The following TMEM134 variants were observed in gnomAD, a reference collection of about 807,000 sequenced individuals.
TMEM134 encodes transmembrane protein 134.
TMEM134 carries 36 observed loss-of-function variants against 26.2 expected under a neutral mutation model. That is an observed-to-expected ratio of 1.37 (90% CI 1.05 to 1.81). TMEM134 has a LOEUF of 1.81. TMEM134 is among the 40% of genes most tolerant of loss of function. TMEM134 has a pLI of 0.00. For synonymous variants in TMEM134, 133 were observed against 113.6 expected (o/e 1.17, Z -1.08); for missense variants, 339 against 263.5 (o/e 1.29, Z -1.98).
intron 4 of TMEM134, chr11:67,465,311 G>T: frequency 7.3e-7 from 1 of 1,367,598 alleles, no homozygotes; most frequent in Non-Finnish European, 9.5e-7. Flanking sequence ...GTTCCTTGGG[G>T]TGGGCTTTTA....
At chr11:67,468,230 G>A (rs1386060816) in intron 1 of TMEM134, 138 bp from the exon 2 acceptor site, 10 of 759,030 alleles carry the variant, frequency 1.3e-5, no homozygotes, top group East Asian at 2.7e-5. Context: ...TGCCCTCCCC[G>A]CAGAACGGGT....
rs1329117097 is a variant in TMEM134, at chr11:67,463,102, G to A, written c.*1512C>T. The A allele has an allele frequency of 6.6e-6, 1 of 152,212 alleles. No homozygotes were observed. Among genetic ancestry groups the A allele is most frequent in the Non-Finnish European group, 1.5e-5 (1 of 68,052 alleles). 9.4% of individuals were successfully genotyped at this position (152,212 alleles called of 1,614,324 possible). A position where few individuals can be genotyped will look rare whatever the true frequency, so the allele number is the denominator to read the frequency against. ...TTAGGAGTTCCTGCATCCAATGGGTGCCCCCTAAGTGCCTTGAATGGGGGA... is the reference window on the plus strand; with the variant it reads ...TTAGGAGTTCCTGCATCCAATGGGTACCCCCTAAGTGCCTTGAATGGGGGA... On this transcript the variant is annotated 3_prime_UTR_variant, in exon 7 of 7. Transcript: ENST00000308022.
chr11:67,467,889 G>A (rs373740011), intron 2 of TMEM134, 139 bp downstream of exon 2: 2 of 822,498 alleles, frequency 2.4e-6, no homozygotes, highest in East Asian at 2.7e-5. Context: ...GAGACCCTGT[G>A]AGGAAAGTGA....
chr11:67,469,217 G>A lies in TMEM134; in HGVS notation c.-25C>T, dbSNP rs1009939591. The A allele has an allele frequency of 2.4e-5, 30 of 1,258,428 alleles. No homozygotes were observed. The highest frequency in any genetic ancestry group is 1.6e-5 in the African/African-American group (1 of 64,350). The allele number at this position is 1,258,428 out of a possible 1,614,324, so 78.0% of individuals were successfully genotyped here. ...TGGCCCCGGCCCGCTCAGGCGCCGT[G>A]CGCCGCCGCCATCTGCGCCCACACA... On this transcript the variant is annotated 5_prime_UTR_variant, in exon 1 of 7. Transcript: ENST00000308022.
At chr11:67,464,980 G>T in intron 5 of TMEM134, 76 bp downstream of exon 5, 1 of 1,495,448 alleles carries the variant, frequency 6.7e-7, no homozygotes, top group Non-Finnish European at 9.2e-7. Flanking sequence ...CTGCCGGGAG[G>T]TGGGAGGGCT....
rs573668879 is a variant in TMEM134 at position 67,466,876 on chromosome 11, G to A, written c.406+436C>T. 5 of 192,904 alleles carry A rather than the reference G, an allele frequency of 2.6e-5. No individual in the cohort carries two copies. The South Asian group carries it at 3.2e-4, about 13-fold the overall frequency. The allele number at this position is 192,904 out of a possible 1,614,324, so 11.9% of individuals were successfully genotyped here. A position where few individuals can be genotyped will look rare whatever the true frequency, so the allele number is the denominator to read the frequency against. On this transcript the variant is annotated intron_variant, in intron 4 of 6. Coordinates refer to ENST00000308022, the MANE Select transcript of TMEM134 (RefSeq NM_025124.4). ...CAAGGGGAAGTGCCAGGTGCCCTGC[G>A]GCTCTGCACTGGCTGGGCACTCGGC...
Position 67,462,575 on chromosome 11 carries a change from G to C in TMEM134, c.*2039C>G, listed in dbSNP as rs567117189. On this transcript the variant is annotated 3_prime_UTR_variant, in exon 7 of 7. Transcript: ENST00000308022. ...TCACCCTGTTGGCCAGGCTGGTCTCGAACTCCTGACCTCATGATTCACCTG... is the reference window on the plus strand; with the variant it reads ...TCACCCTGTTGGCCAGGCTGGTCTCCAACTCCTGACCTCATGATTCACCTG... The C allele has an allele frequency of 1.1e-4, 16 of 152,050 alleles. No homozygotes were observed. The highest frequency in any genetic ancestry group is 3.9e-4 in the African/African-American group (16 of 41,490). 9.4% of individuals were successfully genotyped at this position (152,050 alleles called of 1,614,324 possible).
rs1356301966 is a variant in TMEM134, at chr11:67,467,246, C to T, written c.406+66G>A. The T allele has an allele frequency of 8.7e-6, 13 of 1,489,166 alleles. No individual in the cohort carries two copies. In the East Asian group the frequency reaches 2.5e-4, roughly 28 times the overall value. The allele number at this position is 1,489,166 out of a possible 1,614,324, so 92.2% of individuals were successfully genotyped here. Reference sequence around the variant, plus strand: ...CTCAGTGTCAAGGGGGAGGCAGAGCCTGTACAAAAGGAGGGCAGAGCCTCC... The same window carrying T: ...CTCAGTGTCAAGGGGGAGGCAGAGCTTGTACAAAAGGAGGGCAGAGCCTCC... On this transcript the variant is annotated intron_variant, in intron 4 of 6. Transcript: ENST00000308022.
intron 2 of TMEM134, 25 bp from the exon 3 acceptor site, chr11:67,467,615 G>A (rs1001590368): frequency 6.2e-7 from 1 of 1,611,438 alleles, no homozygotes; most frequent in African/African-American, 1.3e-5. Context: ...GCCCAGTGAG[G>A]GGCAGGGAGG....
intron 4 of TMEM134, 162 bp downstream of exon 4, chr11:67,467,150 C>T (rs1263568310): frequency 1.7e-5 from 11 of 639,774 alleles, no homozygotes; most frequent in Non-Finnish European, 2.7e-5. Flanking sequence ...GGTCACAAGG[C>T]CTCTGTCTCC....
At chr11:67,468,153 C>T (rs1865400595) in intron 1 of TMEM134, 61 bp from the exon 2 acceptor site, 1 of 1,484,844 alleles carries the variant, frequency 6.7e-7, no homozygotes, top group Non-Finnish European at 9.2e-7. Context: ...CACTCCCTCC[C>T]GGGAAGAGAA....
Position 67,462,200 on chromosome 11 carries a change from A to T in TMEM134, c.*2414T>A, listed in dbSNP as rs1229422233. ...AACAAAAAAAAAAAAAACAAGGAGT[A>T]AAAAGTTGTTAGCTGCGATTCTGTG... On this transcript the variant is annotated 3_prime_UTR_variant, in exon 7 of 7. Coordinates refer to ENST00000308022, the MANE Select transcript of TMEM134 (RefSeq NM_025124.4). 3 of 151,510 alleles carry T rather than the reference A, an allele frequency of 2.0e-5. No individual in the cohort carries two copies. The highest frequency in any genetic ancestry group is 7.3e-5 in the African/African-American group (3 of 41,268). 9.4% of individuals were successfully genotyped at this position (151,510 alleles called of 1,614,324 possible).
chr11:67,464,347 A>G lies in TMEM134; in HGVS notation c.*267T>C, dbSNP rs896522030. ...GCAGTGGCAGGACAGGAGGAGAGCA[A>G]TTGCCTCTGGTGGAATTAATTACTC... On this transcript the variant is annotated 3_prime_UTR_variant, in exon 7 of 7. Coordinates refer to ENST00000308022, the MANE Select transcript of TMEM134 (RefSeq NM_025124.4). 2 of 542,566 alleles carry G rather than the reference A, an allele frequency of 3.7e-6. No homozygotes were observed. The highest frequency in any genetic ancestry group is 6.6e-6 in the Non-Finnish European group (2 of 301,894). 33.6% of individuals were successfully genotyped at this position (542,566 alleles called of 1,614,324 possible).
At position 67,465,047 on chromosome 11, in the gene TMEM134, G is replaced by T; in HGVS notation, c.451+9C>A. The T allele has an allele frequency of 6.3e-7, 1 of 1,574,896 alleles. No homozygotes were observed. On this transcript the variant is annotated intron_variant, in intron 5 of 6. Coordinates refer to ENST00000308022, the MANE Select transcript of TMEM134 (RefSeq NM_025124.4). Reference sequence around the variant, plus strand: ...GTCCTCTGCCTGTGGGGGCGGGAGGGTCGCTCACCTGGAGAGGGGGTCGCC... The same window carrying T: ...GTCCTCTGCCTGTGGGGGCGGGAGGTTCGCTCACCTGGAGAGGGGGTCGCC...
Position 67,465,120 on chromosome 11 carries a change from C to CG in TMEM134, c.407-21dup, listed in dbSNP as rs751767132. On this transcript the variant is annotated intron_variant, in intron 4 of 6. Coordinates refer to ENST00000308022, the MANE Select transcript of TMEM134 (RefSeq NM_025124.4). Reference sequence around the variant, plus strand: ...TCAGCACTGCACACAGACGGAGCCGCGGGGGTGGGGGCAGGAGCAGTGGTG... The same window carrying CG: ...TCAGCACTGCACACAGACGGAGCCGCGGGGGGTGGGGGCAGGAGCAGTGGTG... 6.4e-7 allele frequency: 1 copy of CG among 1,558,586 alleles called. No individual in the cohort carries two copies. Among genetic ancestry groups the CG allele is most frequent in the South Asian group, 1.2e-5 (1 of 86,090 alleles).
At chr11:67,468,991 A>C in intron 1 of TMEM134, 28 bp downstream of exon 1, 1 of 1,455,636 alleles carries the variant, frequency 6.9e-7, no homozygotes, top group Non-Finnish European at 9.1e-7. Context: ...GGCCGGGGGC[A>C]GGGGGTTAGG....
chr11:67,464,789 G>A lies in TMEM134; in HGVS notation c.505+14C>T, dbSNP rs1019570621. The A allele has an allele frequency of 1.3e-6, 2 of 1,594,210 alleles. No homozygotes were observed. Among genetic ancestry groups the A allele is most frequent in the East Asian group, 4.5e-5 (2 of 44,266 alleles). ...CACAGCCCCCGCCCCTTCCGCCCCG[G>A]TGCCCGCTCGCACCTCCAGGCACCA... On this transcript the variant is annotated intron_variant, in intron 6 of 6. Coordinates refer to ENST00000308022, the MANE Select transcript of TMEM134 (RefSeq NM_025124.4).
intron 4 of TMEM134, chr11:67,465,916 T>A (rs2429461): frequency 0.16 from 23,851 of 147,896 alleles, 2,569 homozygotes; most frequent in African/African-American, 0.31. Flanking sequence ...ATTATTATTT[T>A]AAAAAAAAAA....
At position 67,463,820 on chromosome 11, in the gene TMEM134, T is replaced by C. The variant is rs564731978; in HGVS notation, c.*794A>G. ...GATGTTCCAAAATTCTGAGATGGTT[T>C]GTTTCTAACGTTCTGCATTTCTAAG... On this transcript the variant is annotated 3_prime_UTR_variant, in exon 7 of 7. Coordinates refer to ENST00000308022, the MANE Select transcript of TMEM134 (RefSeq NM_025124.4). 5 of 152,414 alleles carry C rather than the reference T, an allele frequency of 3.3e-5. No homozygotes were observed. Among genetic ancestry groups the C allele is most frequent in the African/African-American group, 1.2e-4 (5 of 41,590 alleles). 9.4% of individuals were successfully genotyped at this position (152,414 alleles called of 1,614,324 possible). A position where few individuals can be genotyped will look rare whatever the true frequency, so the allele number is the denominator to read the frequency against.
Sources: gnomAD v4.1 joint callset for allele counts on GRCh38, gnomAD v4.1.1 for gene constraint, MANE v1.5 for transcripts, NCBI Gene and HGNC (gene_info 2026-07-23, HGNC 2026-07-21) for gene names.